The following APPBP2 variants were observed in gnomAD, a reference collection of about 807,000 sequenced individuals.
APPBP2 encodes the protein amyloid beta precursor protein binding protein 2, also known as amyloid protein-binding protein 2.
APPBP2 carries 15 observed loss-of-function variants against 76.0 expected under a neutral mutation model. The observed-to-expected ratio is 0.20, with a 90% confidence interval of 0.13 to 0.30. The LOEUF (loss-of-function observed/expected upper bound fraction) is 0.30. Ranked by LOEUF, APPBP2 falls within the 10% of genes least tolerant of loss-of-function variation. The pLI is 1.00. For missense variants in APPBP2, 401 were observed against 687.2 expected (o/e 0.58, Z 4.66); for synonymous variants, 222 against 242.2 (o/e 0.92, Z 0.77).
intron 3 of APPBP2, among the ~76,000 whole-genome samples, chr17:60,490,532 G>T (rs1270191984): frequency 1.3e-5 from 2 of 152,268 alleles, no homozygotes; most frequent in Admixed American, 6.5e-5. Flanking sequence ...AGCTGTGTAT[G>T]TTGACACATG....
chr17:60,468,672 C>A (rs1164222181), intron 4 of APPBP2, among the ~76,000 whole-genome samples: 1 of 152,188 alleles, frequency 6.6e-6, no homozygotes, highest in African/African-American at 2.4e-5. Flanking sequence ...GTGTGTCCAT[C>A]TGGGCTGACA....
intron 4 of APPBP2, among the ~76,000 whole-genome samples, chr17:60,478,545 G>T (rs2090606957): frequency 6.6e-6 from 1 of 152,212 alleles, no homozygotes; most frequent in African/African-American, 2.4e-5. Flanking sequence ...GTCTACCACA[G>T]TTCCTAGTAC....
At position 60,512,958 on chromosome 17, in the gene APPBP2, C is replaced by CTT. The variant is rs58923452; in HGVS notation, c.139-12473_139-12472dup. ...ACTTAAAAAAAAAATTTTTCTTTTCCTTTTTTTTTTTTTTTTTGACCCTGG... is the reference window on the plus strand; with the variant it reads ...ACTTAAAAAAAAAATTTTTCTTTTCCTTTTTTTTTTTTTTTTTTTGACCCTGG... On this transcript the variant is annotated intron_variant, in intron 1 of 12. Transcript: ENST00000083182. 1.4e-3 allele frequency among the ~76,000 whole-genome samples: 178 copies of CTT among 127,180 alleles called. 2 individuals are homozygous for CTT. Among genetic ancestry groups the CTT allele is most frequent in the African/African-American group, 5.0e-3 (166 of 32,936 alleles). 83.4% of individuals were successfully genotyped at this position (127,180 alleles called of 152,430 possible).
intron 1 of APPBP2, among the ~76,000 whole-genome samples, chr17:60,510,368 A>G (rs2090901953): frequency 6.6e-6 from 1 of 151,986 alleles, no homozygotes; most frequent in Middle Eastern, 3.2e-3. Context: ...ATACCACTGG[A>G]CTCCAGCCTG....
chr17:60,450,497 A>AGT (rs986310512), intron 12 of APPBP2, among the ~76,000 whole-genome samples: 3 of 151,398 alleles, frequency 2.0e-5, no homozygotes, highest in African/African-American at 7.3e-5. Flanking sequence ...GGCTGGGCAC[A>AGT]GTGGCTCATG....
intron 3 of APPBP2, among the ~76,000 whole-genome samples, chr17:60,491,297 GAT>G (rs1439540298): frequency 1.3e-5 from 2 of 152,202 alleles, no homozygotes; most frequent in Non-Finnish European, 2.9e-5. Flanking sequence ...CTGCCTCAGA[GAT>G]GTGTGGAACC....
At chr17:60,478,182 T>C (rs1253298189) in intron 4 of APPBP2, among the ~76,000 whole-genome samples, 1 of 152,158 alleles carries the variant, frequency 6.6e-6, no homozygotes, top group Non-Finnish European at 1.5e-5. Flanking sequence ...CGATAAAGAA[T>C]TTCTGCTGTT....
At chr17:60,454,538 A>G (rs2090418842) in intron 10 of APPBP2, 46 bp from the exon 11 acceptor site, 1 of 1,267,232 alleles carries the variant, frequency 7.9e-7, no homozygotes, top group South Asian at 1.5e-5. Context: ...ACCATCTACC[A>G]AAGCTAGTAA....
chr17:60,447,906 A>G, intron 12 of APPBP2, 72 bp from the exon 13 acceptor site: 1 of 1,391,812 alleles, frequency 7.2e-7, no homozygotes, highest in Non-Finnish European at 9.7e-7. Flanking sequence ...CTATAACATG[A>G]ACACAAGTTC....
chr17:60,496,676 A>T (rs1396012563), intron 2 of APPBP2, among the ~76,000 whole-genome samples: 2 of 152,200 alleles, frequency 1.3e-5, no homozygotes, highest in Non-Finnish European at 2.9e-5. Context: ...CACACAGGCC[A>T]CATTTCAAAG....
chr17:60,465,055 AC>A (rs2090501017), intron 5 of APPBP2: 1 of 152,174 alleles, frequency 6.6e-6, no homozygotes, highest in African/African-American at 2.4e-5. Flanking sequence ...ACAAACAAAG[AC>A]AAGTGTGGCC....
At chr17:60,476,249 G>T (rs1185453488) in intron 4 of APPBP2, among the ~76,000 whole-genome samples, 5 of 152,174 alleles carry the variant, frequency 3.3e-5, no homozygotes, top group Non-Finnish European at 4.4e-5. Flanking sequence ...GACCTTTGTT[G>T]TATAATGTTT....
chr17:60,507,859 C>G (rs1286955063), intron 1 of APPBP2, among the ~76,000 whole-genome samples: 1 of 152,142 alleles, frequency 6.6e-6, no homozygotes, highest in Admixed American at 6.5e-5. Context: ...GTGATCATAG[C>G]TCACTGCAGC....
chr17:60,485,129 C>T (rs1303544533), intron 3 of APPBP2, among the ~76,000 whole-genome samples: 7 of 152,106 alleles, frequency 4.6e-5, no homozygotes, highest in South Asian at 4.2e-4. Context: ...TGAGGATTTT[C>T]GCATCGATGT....
At chr17:60,469,770 T>C (rs1353401470) in intron 4 of APPBP2, among the ~76,000 whole-genome samples, 1 of 152,256 alleles carries the variant, frequency 6.6e-6, no homozygotes, top group African/African-American at 2.4e-5. Flanking sequence ...TTTGTGTATC[T>C]ATTTATCTGC....
At chr17:60,498,000 C>T (rs1035947475) in intron 2 of APPBP2, among the ~76,000 whole-genome samples, 1 of 151,842 alleles carries the variant, frequency 6.6e-6, no homozygotes, top group African/African-American at 2.4e-5. Flanking sequence ...ATTACCCAGG[C>T]GTGGTGGGGC....
chr17:60,521,397 C>G (rs1471637360), intron 1 of APPBP2, among the ~76,000 whole-genome samples: 3 of 152,214 alleles, frequency 2.0e-5, no homozygotes, highest in African/African-American at 7.2e-5. Flanking sequence ...TTCACATTCA[C>G]TCACCACTCA....
rs527786671 is a variant in APPBP2, at chr17:60,507,972, C to T, written c.139-7485G>A. ...CCAGCCAAGTTGTTTCTTTTTTTTC[C>T]TTCTTTTTTTTTTTTTTGGAGACAG... On this transcript the variant is annotated intron_variant, in intron 1 of 12. Coordinates refer to ENST00000083182, the MANE Select transcript of APPBP2 (RefSeq NM_006380.5). Among the ~76,000 whole-genome samples, 22 of 151,100 alleles carry T rather than the reference C, an allele frequency of 1.5e-4. 1 individual carries two copies. In the East Asian group the frequency reaches 4.3e-3, roughly 29 times the overall value.
intron 5 of APPBP2, among the ~76,000 whole-genome samples, chr17:60,465,720 CCCAA>C: frequency 6.6e-6 from 1 of 151,938 alleles, no homozygotes; most frequent in Non-Finnish European, 1.5e-5. Flanking sequence ...CAACACGAGG[CCCAA>C]CCAAACAATT....
Sources: allele counts gnomAD v4.1 joint callset (sites outside exome capture counted in the v4.1 genomes callset), GRCh38; gene constraint gnomAD v4.1.1; transcripts MANE v1.5; gene names NCBI Gene and HGNC (gene_info 2026-07-23, HGNC 2026-07-21).